The following NEGR1 variants were observed in gnomAD, a reference collection of about 807,000 sequenced individuals.
NEGR1 encodes the protein neuronal growth regulator 1.
A neutral mutation model predicts 40.9 loss-of-function variants in NEGR1; 10 were observed. The observed-to-expected ratio is 0.24, with a 90% confidence interval of 0.15 to 0.42. The LOEUF is 0.42. NEGR1 is among the 10% of genes least tolerant of loss of function. The pLI is 1.00. For synonymous variants in NEGR1, 185 were observed against 166.8 expected (o/e 1.11, Z -0.84); for missense variants, 352 against 438.9 (o/e 0.80, Z 1.77).
At chr1:72,279,836 G>C (rs985532044) in intron 1 of NEGR1, among the ~76,000 whole-genome samples, 1 of 152,054 alleles carries the variant, frequency 6.6e-6, no homozygotes, top group Non-Finnish European at 1.5e-5. Context: ...AATGGAGAGA[G>C]AATTTCTTAT....
intron 1 of NEGR1, among the ~76,000 whole-genome samples, chr1:71,946,765 A>G (rs945250307): frequency 3.9e-5 from 6 of 152,044 alleles, no homozygotes; most frequent in Non-Finnish European, 5.9e-5. Context: ...AATAACTTTT[A>G]TAATTATTAA....
chr1:71,478,976 T>G (rs1646838451), intron 6 of NEGR1, among the ~76,000 whole-genome samples: 1 of 151,980 alleles, frequency 6.6e-6, no homozygotes, highest in Non-Finnish European at 1.5e-5. Flanking sequence ...ATATATTCCT[T>G]TTCTTAGGCC....
At chr1:71,413,071 C>T (rs192287719) in intron 6 of NEGR1, among the ~76,000 whole-genome samples, 239 of 152,238 alleles carry the variant, frequency 1.6e-3, no homozygotes, top group Admixed American at 2.2e-3. Flanking sequence ...AGTTCCAATT[C>T]CATCCCTTTC....
At chr1:71,925,245 C>T (rs1645761261) in intron 2 of NEGR1, among the ~76,000 whole-genome samples, 1 of 152,184 alleles carries the variant, frequency 6.6e-6, no homozygotes, top group Non-Finnish European at 1.5e-5. Flanking sequence ...CTACAAATTT[C>T]ATCAGATTTT....
chr1:72,220,680 G>C (rs1010091206), intron 1 of NEGR1, among the ~76,000 whole-genome samples: 1 of 151,874 alleles, frequency 6.6e-6, no homozygotes, highest in Non-Finnish European at 1.5e-5. Context: ...AAGATATTCA[G>C]AATATAAGGG....
intron 6 of NEGR1, among the ~76,000 whole-genome samples, chr1:71,546,901 G>A (rs1405039094): frequency 3.3e-5 from 5 of 151,614 alleles, no homozygotes; most frequent in Non-Finnish European, 1.5e-5. Context: ...ATAAAGAGGT[G>A]CCCTATTGGT....
chr1:71,583,024 T>C (rs148960576), intron 6 of NEGR1, among the ~76,000 whole-genome samples: 111 of 152,240 alleles, frequency 7.3e-4, no homozygotes, highest in Admixed American at 6.7e-3. Flanking sequence ...ATACTCCTGG[T>C]TAGAGAAGCA....
chr1:71,418,685 C>T (rs1646373220), intron 6 of NEGR1, among the ~76,000 whole-genome samples: 1 of 152,162 alleles, frequency 6.6e-6, no homozygotes, highest in East Asian at 1.9e-4. Flanking sequence ...TAATAACTTA[C>T]ATGATCCCTT....
chr1:72,167,246 T>C (rs1375900471), intron 1 of NEGR1, among the ~76,000 whole-genome samples: 1 of 152,102 alleles, frequency 6.6e-6, no homozygotes, highest in Admixed American at 6.6e-5. Flanking sequence ...GCCATTTCCT[T>C]TGTCCATGAT....
chr1:71,702,479 A>C (rs1653729716), intron 3 of NEGR1, among the ~76,000 whole-genome samples: 1 of 152,066 alleles, frequency 6.6e-6, no homozygotes, highest in Non-Finnish European at 1.5e-5. Context: ...AGCTATAAAG[A>C]GAAGTTATAG....
chr1:71,538,346 C>A (rs542784034), intron 6 of NEGR1, among the ~76,000 whole-genome samples: 68 of 151,696 alleles, frequency 4.5e-4, no homozygotes, highest in African/African-American at 1.5e-3. Flanking sequence ...CATTTGGTTT[C>A]TAGGTTGTTA....
chr1:72,260,829 G>A (rs1655429018), intron 1 of NEGR1, among the ~76,000 whole-genome samples: 1 of 152,052 alleles, frequency 6.6e-6, no homozygotes, highest in Non-Finnish European at 1.5e-5. Flanking sequence ...CATGCAGATT[G>A]CATAATTACA....
intron 1 of NEGR1, among the ~76,000 whole-genome samples, chr1:72,278,009 ATGT>A (rs1026867493): frequency 2.0e-4 from 30 of 152,254 alleles, no homozygotes; most frequent in African/African-American, 6.0e-4. Context: ...AAAAAGGCAA[ATGT>A]TGTGAACAAA....
In NEGR1 at chr1:72,273,971, A is replaced by C. The variant is rs532704077; in HGVS notation, c.176+8348T>G. On this transcript the variant is annotated intron_variant, in intron 1 of 6. Coordinates refer to ENST00000357731, the MANE Select transcript of NEGR1 (RefSeq NM_173808.3). ...CTAGGGATAGCTGAATGAGCATTTT[A>C]CCACTACAAACCCACGTGTTGTTCT... Among the ~76,000 whole-genome samples the C allele has an allele frequency of 2.0e-5, 3 of 150,870 alleles. No homozygotes were observed. The East Asian group carries it at 5.9e-4, about 30-fold the overall frequency.
At chr1:72,242,297 TA>T (rs1232196269) in intron 1 of NEGR1, among the ~76,000 whole-genome samples, 1 of 151,744 alleles carries the variant, frequency 6.6e-6, no homozygotes, top group Non-Finnish European at 1.5e-5. Flanking sequence ...GAGAAAAAAT[TA>T]AGCTATAAAA....
intron 1 of NEGR1, among the ~76,000 whole-genome samples, chr1:72,107,565 A>G (rs1276227630): frequency 2.0e-5 from 3 of 151,656 alleles, no homozygotes; most frequent in East Asian, 1.9e-4. Flanking sequence ...TGTCACATCT[A>G]TTGTGCTTTG....
intron 1 of NEGR1, among the ~76,000 whole-genome samples, chr1:72,227,295 T>C (rs1243188566): frequency 6.6e-6 from 1 of 151,060 alleles, no homozygotes; most frequent in East Asian, 2.0e-4. Context: ...GGGAAAGGAG[T>C]TTAAAATTGT....
intron 2 of NEGR1, among the ~76,000 whole-genome samples, chr1:71,832,425 C>T (rs547350088): frequency 6.6e-6 from 1 of 152,042 alleles, no homozygotes; most frequent in Non-Finnish European, 1.5e-5. Flanking sequence ...AAAAGAAGCC[C>T]TCTAAGGCAC....
At chr1:71,987,184 T>G (rs1646402431) in intron 1 of NEGR1, among the ~76,000 whole-genome samples, 2 of 152,178 alleles carry the variant, frequency 1.3e-5, no homozygotes, top group South Asian at 4.2e-4. Context: ...AACGTCCAAT[T>G]CCCTCCCAGA....
Sources: gnomAD v4.1 joint callset for allele counts (sites outside exome capture counted in the v4.1 genomes callset) on GRCh38, gnomAD v4.1.1 for gene constraint, MANE v1.5 for transcripts, NCBI Gene and HGNC (gene_info 2026-07-23, HGNC 2026-07-21) for gene names.